BTBD9: variants seen among roughly 807,000 people sequenced by gnomAD.
BTBD9 encodes BTB/POZ domain-containing protein 9.
BTBD9 carries 49 observed loss-of-function variants against 64.3 expected under a neutral mutation model. That is an observed-to-expected ratio of 0.76 (90% CI 0.61 to 0.97). BTBD9 has a LOEUF of 0.97. BTBD9 is among the 50% of genes least tolerant of loss of function. The pLI is 0.00. For missense variants in BTBD9, 598 were observed against 762.1 expected, an observed-to-expected ratio of 0.78 and a Z score of 2.53; for synonymous variants, 260 against 274.7, an observed-to-expected ratio of 0.95 and a Z score of 0.53.
rs565048911 is a variant in BTBD9, at chr6:38,423,985, C to T, written c.1155-78892G>A. On this transcript the variant is annotated intron_variant, in intron 6 of 10. Transcript: ENST00000481247. ...CTTTCAGAGGCTTGGTTTCCTTCTCCGCAAAATGAAAATAATCCTGGCATT... is the reference window on the plus strand; with the variant it reads ...CTTTCAGAGGCTTGGTTTCCTTCTCTGCAAAATGAAAATAATCCTGGCATT... Among the ~76,000 whole-genome samples, 19 of 151,666 alleles carry T rather than the reference C, an allele frequency of 1.3e-4. 1 individual carries two copies. The highest frequency in any genetic ancestry group is 3.9e-4 in the East Asian group (2 of 5,164).
intron 1 of BTBD9, among the ~76,000 whole-genome samples, chr6:38,638,402 C>T (rs1562454597): frequency 1.3e-5 from 2 of 152,300 alleles, no homozygotes; most frequent in East Asian, 3.9e-4. Flanking sequence ...ACTTGATGGA[C>T]TGAACTCAAT....
intron 6 of BTBD9, among the ~76,000 whole-genome samples, chr6:38,512,368 T>C (rs562667058): frequency 6.6e-6 from 1 of 152,356 alleles, no homozygotes; most frequent in African/African-American, 2.4e-5. Flanking sequence ...AAACCCCATA[T>C]GGTGACTATT....
intron 6 of BTBD9, among the ~76,000 whole-genome samples, chr6:38,538,151 G>C (rs969481605): frequency 2.0e-5 from 3 of 152,128 alleles, no homozygotes; most frequent in Non-Finnish European, 4.4e-5. Context: ...ACCACTCTTT[G>C]CAAATTTATA....
intron 6 of BTBD9, among the ~76,000 whole-genome samples, chr6:38,429,397 G>A (rs1439647189): frequency 6.7e-6 from 1 of 150,334 alleles, no homozygotes; most frequent in Admixed American, 6.6e-5. Context: ...GGAGATTGCA[G>A]TGAGCCGAGA....
chr6:38,473,881 G>GT (rs1770759976), intron 6 of BTBD9, among the ~76,000 whole-genome samples: 1 of 152,146 alleles, frequency 6.6e-6, no homozygotes, highest in African/African-American at 2.4e-5. Flanking sequence ...AGACTAAAGG[G>GT]TAAGTATAAC....
At chr6:38,355,316 G>A (rs1446636164) in intron 6 of BTBD9, among the ~76,000 whole-genome samples, 1 of 152,146 alleles carries the variant, frequency 6.6e-6, no homozygotes, top group Non-Finnish European at 1.5e-5. Context: ...TTATGTGTTA[G>A]GAGTCCTATG....
rs182657740 is a variant in BTBD9, at chr6:38,291,330, T to C, written c.1265-2869A>G. On this transcript the variant is annotated intron_variant, in intron 7 of 10. Transcript: ENST00000481247. ...TGGTGTATAGGAATGCTTGTGATTT[T>C]TGCACATTGATTTTGTAACCTGAGA... is the stretch of plus-strand genomic sequence containing the variant. 4.3e-3 allele frequency among the ~76,000 whole-genome samples: 659 copies of C among 152,370 alleles called. 3 individuals are homozygous for C. Among genetic ancestry groups the C allele is most frequent in the Non-Finnish European group, 7.5e-3 (513 of 68,038 alleles).
At chr6:38,314,455 A>T (rs1762961645) in intron 7 of BTBD9, among the ~76,000 whole-genome samples, 1 of 152,156 alleles carries the variant, frequency 6.6e-6, no homozygotes, top group Non-Finnish European at 1.5e-5. Flanking sequence ...TTTTGATAAC[A>T]GAATAACACT....
intron 9 of BTBD9, among the ~76,000 whole-genome samples, chr6:38,226,246 A>C (rs1461230143): frequency 6.6e-6 from 1 of 152,194 alleles, no homozygotes; most frequent in African/African-American, 2.4e-5. Flanking sequence ...AACTGATAAG[A>C]TACTGATCCC....
Position 38,483,360 on chromosome 6 carries a change from C to A in BTBD9, c.1154+94240G>T, listed in dbSNP as rs367824024. On this transcript the variant is annotated intron_variant, in intron 6 of 10. Transcript: ENST00000481247. ...CGAAAGACTGACTTTTTAAGACTTC[C>A]ATGAAAATGTTGTCCTTGTTTTCTT... Among the ~76,000 whole-genome samples the A allele has an allele frequency of 3.3e-5, 5 of 152,130 alleles. No individual in the cohort carries two copies. The East Asian group carries it at 7.7e-4, about 24-fold the overall frequency.
At chr6:38,544,691 C>G (rs1774446880) in intron 6 of BTBD9, among the ~76,000 whole-genome samples, 1 of 151,772 alleles carries the variant, frequency 6.6e-6, no homozygotes, top group Admixed American at 6.6e-5. Context: ...CTTTGGGAGG[C>G]CAAGGCAGGC....
intron 6 of BTBD9, among the ~76,000 whole-genome samples, chr6:38,363,212 C>T (rs1765042387): frequency 6.6e-6 from 1 of 152,168 alleles, no homozygotes. Flanking sequence ...TTTCAGCCTC[C>T]AGCATAGCTG....
chr6:38,604,574 G>A (rs1777362148), intron 1 of BTBD9, among the ~76,000 whole-genome samples: 1 of 152,102 alleles, frequency 6.6e-6, no homozygotes, highest in Non-Finnish European at 1.5e-5. Context: ...AGGAAAGTAG[G>A]ACCAGATAAC....
intron 7 of BTBD9, among the ~76,000 whole-genome samples, chr6:38,308,786 TTATTTTTTG>T (rs1275742631): frequency 1.3e-5 from 2 of 151,876 alleles, no homozygotes; most frequent in African/African-American, 4.8e-5. Flanking sequence ...ATTTATTTAT[TTATTTTTTG>T]TATTTTTTGT....
chr6:38,583,476 A>T (rs895735773), intron 4 of BTBD9, among the ~76,000 whole-genome samples: 1 of 152,186 alleles, frequency 6.6e-6, no homozygotes, highest in Non-Finnish European at 1.5e-5. Flanking sequence ...TCCAGCCTGG[A>T]TGATAGAGCC....
intron 1 of BTBD9, among the ~76,000 whole-genome samples, chr6:38,624,563 TA>T (rs1778108508): frequency 2.0e-5 from 3 of 151,912 alleles, no homozygotes; most frequent in African/African-American, 7.3e-5. Context: ...AAAAATTAAA[TA>T]TTGCTTCTCA....
intron 10 of BTBD9, among the ~76,000 whole-genome samples, chr6:38,188,592 A>G (rs773609858): frequency 6.6e-6 from 1 of 152,252 alleles, no homozygotes; most frequent in Non-Finnish European, 1.5e-5. Flanking sequence ...CTGGGTTCAC[A>G]AACACTGAGT....
intron 6 of BTBD9, among the ~76,000 whole-genome samples, chr6:38,393,389 G>T (rs1766524982): frequency 6.6e-6 from 1 of 152,116 alleles, no homozygotes; most frequent in South Asian, 2.1e-4. Flanking sequence ...AGAGCCAGAA[G>T]AGAACTGGCC....
intron 6 of BTBD9, among the ~76,000 whole-genome samples, chr6:38,445,717 T>C (rs1466166686): frequency 6.6e-6 from 1 of 152,184 alleles, no homozygotes; most frequent in Non-Finnish European, 1.5e-5. Context: ...TAAATGACTA[T>C]ATATTGAAAG....
Sources: gnomAD v4.1 joint callset for allele counts (sites outside exome capture counted in the v4.1 genomes callset) on GRCh38, gnomAD v4.1.1 for gene constraint, MANE v1.5 for transcripts, NCBI Gene and HGNC (gene_info 2026-07-23, HGNC 2026-07-21) for gene names.